Variants in NELL2 observed in about 807,000 individuals in gnomAD.
NELL2 encodes protein kinase C-binding protein NELL2.
Under a neutral mutation model 109.6 loss-of-function variants are expected in NELL2, and 41 were observed. That is an observed-to-expected ratio of 0.37 (90% CI 0.29 to 0.49). The LOEUF (loss-of-function observed/expected upper bound fraction) is 0.49, where lower values mean the gene tolerates loss of function less well. NELL2 is among the 20% of genes least tolerant of loss of function. NELL2 has a pLI of 0.98. For synonymous variants in NELL2, 355 were observed against 344.7 expected (o/e 1.03, Z -0.33); for missense variants, 900 against 1,008.3 (o/e 0.89, Z 1.45).
chr12:44,798,802 TAGA>T (rs1358003185), intron 3 of NELL2, among the ~76,000 whole-genome samples: 1 of 152,078 alleles, frequency 6.6e-6, no homozygotes, highest in Non-Finnish European at 1.5e-5. Context: ...ATAGATAGTT[TAGA>T]AACAGGTTCA....
At position 44,671,016 on chromosome 12, in the gene NELL2, G is replaced by T. The variant is rs537746723; in HGVS notation, c.1319-5407C>A. Among the ~76,000 whole-genome samples the T allele has an allele frequency of 3.9e-5, 6 of 152,228 alleles. 1 individual carries two copies. In the East Asian group the frequency reaches 1.2e-3, roughly 29 times the overall value. On this transcript the variant is annotated intron_variant, in intron 12 of 19. Coordinates refer to ENST00000429094, the MANE Select transcript of NELL2 (RefSeq NM_001145108.2). Reference sequence around the variant, plus strand: ...ATATTCCTCTACCGATACATGGAAAGTTCTCCAGGATAGAACACGTTAGGC... The same window carrying T: ...ATATTCCTCTACCGATACATGGAAATTTCTCCAGGATAGAACACGTTAGGC...
intron 1 of NELL2, among the ~76,000 whole-genome samples, chr12:44,892,579 C>T (rs1255008104): frequency 6.6e-6 from 1 of 151,908 alleles, no homozygotes; most frequent in Non-Finnish European, 1.5e-5. Flanking sequence ...AGGCAGATCA[C>T]GAGGTCAGGA....
intron 13 of NELL2, among the ~76,000 whole-genome samples, chr12:44,622,596 T>C (rs192198256): frequency 1.3e-5 from 2 of 152,266 alleles, no homozygotes; most frequent in African/African-American, 4.8e-5. Context: ...AAATATACAA[T>C]TTCCTAAGAA....
intron 13 of NELL2, among the ~76,000 whole-genome samples, chr12:44,616,898 C>CT (rs1211020372): frequency 1.3e-5 from 2 of 152,178 alleles, no homozygotes; most frequent in Non-Finnish European, 2.9e-5. Context: ...TACTCTCTCT[C>CT]TGTCCTAGTG....
At chr12:44,864,447 T>C (rs775675278) in intron 2 of NELL2, among the ~76,000 whole-genome samples, 1 of 152,144 alleles carries the variant, frequency 6.6e-6, no homozygotes, top group Non-Finnish European at 1.5e-5. Context: ...AAGTAGACTT[T>C]AAGTCAAAAA....
intron 2 of NELL2, among the ~76,000 whole-genome samples, chr12:44,836,031 G>C (rs1006450168): frequency 2.6e-5 from 4 of 152,180 alleles, no homozygotes; most frequent in African/African-American, 7.2e-5. Flanking sequence ...AAAGGGAGAG[G>C]GGGGTGGAAG....
chr12:44,801,407 A>G (rs1942825196), intron 3 of NELL2, among the ~76,000 whole-genome samples: 1 of 152,138 alleles, frequency 6.6e-6, no homozygotes, highest in Non-Finnish European at 1.5e-5. Flanking sequence ...AAACCACTAT[A>G]GAACAATAGT....
chr12:44,741,580 C>T (rs1011954309), intron 9 of NELL2, among the ~76,000 whole-genome samples: 1 of 152,184 alleles, frequency 6.6e-6, no homozygotes, highest in Non-Finnish European at 1.5e-5. Flanking sequence ...CAGACGGCAC[C>T]TGGAAAATTG....
At chr12:44,549,632 T>C (rs970319098) in intron 15 of NELL2, among the ~76,000 whole-genome samples, 9 of 152,268 alleles carry the variant, frequency 5.9e-5, no homozygotes, top group African/African-American at 2.2e-4. Flanking sequence ...GGCGAACTAT[T>C]TGAAAAAGAA....
intron 15 of NELL2, among the ~76,000 whole-genome samples, chr12:44,597,679 C>T (rs1945021238): frequency 6.6e-6 from 1 of 152,108 alleles, no homozygotes; most frequent in South Asian, 2.1e-4. Context: ...CTACTATATG[C>T]AAAGCATGAT....
chr12:44,856,418 AAACT>A (rs1345847201), intron 2 of NELL2, among the ~76,000 whole-genome samples: 1 of 152,272 alleles, frequency 6.6e-6, no homozygotes, highest in African/African-American at 2.4e-5. Flanking sequence ...AGTGTTAGGG[AAACT>A]AACAGATCAG....
At chr12:44,510,675 C>T (rs1940958693) in intron 19 of NELL2, among the ~76,000 whole-genome samples, 1 of 152,166 alleles carries the variant, frequency 6.6e-6, no homozygotes, top group African/African-American at 2.4e-5. Context: ...CAGTGACAGA[C>T]TCAACCATTT....
At chr12:44,581,074 G>A (rs1944304737) in intron 15 of NELL2, among the ~76,000 whole-genome samples, 1 of 152,138 alleles carries the variant, frequency 6.6e-6, no homozygotes, top group Non-Finnish European at 1.5e-5. Context: ...AGTCACTTAT[G>A]AAAGTGATTC....
chr12:44,893,712 G>A (rs1440174725), intron 1 of NELL2, among the ~76,000 whole-genome samples: 2 of 152,106 alleles, frequency 1.3e-5, no homozygotes, highest in Non-Finnish European at 2.9e-5. Context: ...GACGGATGGG[G>A]TGCCCCAAGC....
chr12:44,774,987 G>A (rs907541952), intron 8 of NELL2, 138 bp from the exon 9 acceptor site: 9 of 622,188 alleles, frequency 1.4e-5, no homozygotes, highest in Non-Finnish European at 2.5e-5. Flanking sequence ...GAGGGGAGGC[G>A]GTGCTGACAA....
intron 15 of NELL2, among the ~76,000 whole-genome samples, chr12:44,539,333 C>T (rs1942436691): frequency 6.6e-6 from 1 of 152,034 alleles, no homozygotes; most frequent in Non-Finnish European, 1.5e-5. Flanking sequence ...CAACACAACA[C>T]AACAAAACAG....
intron 1 of NELL2, among the ~76,000 whole-genome samples, chr12:44,886,256 T>G (rs1282921586): frequency 1.3e-5 from 2 of 151,912 alleles, no homozygotes; most frequent in African/African-American, 4.8e-5. Flanking sequence ...AGAATAAAAT[T>G]GTTGTGACTT....
At position 44,857,500 on chromosome 12, in the gene NELL2, G is replaced by A. The variant is rs536110707; in HGVS notation, c.184+17725C>T. ...CACCGGCCCCTGAAACACTATTCAA[G>A]GTTCCCTGAAATCTTATCCTCCATC... On this transcript the variant is annotated intron_variant, in intron 2 of 19. Transcript: ENST00000429094. 2.0e-5 allele frequency among the ~76,000 whole-genome samples: 3 copies of A among 152,220 alleles called. No individual in the cohort carries two copies. The South Asian group carries it at 6.2e-4, about 32-fold the overall frequency.
intron 15 of NELL2, among the ~76,000 whole-genome samples, chr12:44,561,100 T>C (rs889277273): frequency 2.0e-5 from 3 of 152,180 alleles, no homozygotes; most frequent in Non-Finnish European, 4.4e-5. Context: ...TCTCAATAGA[T>C]GCAGAAAGGC....
Sources: gnomAD v4.1 joint callset for allele counts (sites outside exome capture counted in the v4.1 genomes callset) on GRCh38, gnomAD v4.1.1 for gene constraint, MANE v1.5 for transcripts, NCBI Gene and HGNC (gene_info 2026-07-23, HGNC 2026-07-21) for gene names.